The following SIRPB2 variants were observed in gnomAD, a reference collection of about 807,000 sequenced individuals.
The protein encoded by SIRPB2 is signal-regulatory protein beta-2.
Under a neutral mutation model 27.1 loss-of-function variants are expected in SIRPB2, and 18 were observed. That is an observed-to-expected ratio of 0.66 (90% confidence interval 0.46 to 0.98). The LOEUF (loss-of-function observed/expected upper bound fraction) is 0.98, where lower values mean the gene tolerates loss of function less well. SIRPB2 is among the 50% of genes least tolerant of loss of function. SIRPB2 has a pLI of 0.00. For synonymous variants in SIRPB2, 150 were observed against 164.6 expected (o/e 0.91, Z 0.68); for missense variants, 420 against 417.4 (o/e 1.01, Z -0.06).
downstream of SIRPB2, chr20:1,473,656 T>C (rs1033764849): frequency 3.5e-6 from 1 of 285,828 alleles, no homozygotes; most frequent in African/African-American, 2.2e-5. Flanking sequence ...GAGCTTTGTG[T>C]GGTCAAAGTC....
rs1214791142 is a variant in SIRPB2, at chr20:1,479,741, G to A, written c.410C>T (p.Ser137Leu). The A allele has an allele frequency of 6.2e-7, 1 of 1,614,212 alleles. No homozygotes were observed. The highest frequency in any genetic ancestry group is 8.5e-7 in the Non-Finnish European group (1 of 1,180,042). ...CVRFDGLSEHSEMKSDEGTSV... is the reference protein window; with the variant it reads ...CVRFDGLSEHLEMKSDEGTSV... ...GGTGCCTTCATCCGATTTCATTTCT[G>A]AGTGTTCACTCAAACCATCAAACCT... The change falls in exon 2 of 5, where the codon TCA becomes TTA. Residue 137 changes from serine (S) to leucine (L), a missense_variant. Physicochemically the swap from Ser to Leu is moderately radical, Grantham distance 145. Coordinates refer to ENST00000359801, the MANE Select transcript of SIRPB2 (RefSeq NM_001122962.2).
intron 1 of SIRPB2, among the ~76,000 whole-genome samples, chr20:1,490,155 CA>C (rs1288875281): frequency 6.6e-6 from 1 of 152,178 alleles, no homozygotes; most frequent in African/African-American, 2.4e-5. Flanking sequence ...AGCAGACACT[CA>C]AAAGTACCTG....
chr20:1,471,125 G>A (rs756842650), downstream of SIRPB2: 3 of 152,310 alleles, frequency 2.0e-5, no homozygotes, highest in Admixed American at 1.3e-4. Context: ...GAAGATTCCC[G>A]CACTTCCCTG....
In SIRPB2 at chr20:1,475,063, T is replaced by C. The variant is rs1279656298; in HGVS notation, c.*1104A>G. ...TGTCAGGGCTTCTCAGTCCACTAGA[T>C]GGTGGTAGCACCCCCCCAGGTTGTG... On this transcript the variant is annotated 3_prime_UTR_variant, in exon 5 of 5. Coordinates refer to ENST00000359801, the MANE Select transcript of SIRPB2 (RefSeq NM_001122962.2). 3.6e-5 allele frequency: 5 copies of C among 140,068 alleles called. No individual in the cohort carries two copies. Among genetic ancestry groups the C allele is most frequent in the Non-Finnish European group, 7.5e-5 (5 of 66,562 alleles). 8.7% of individuals were successfully genotyped at this position (140,068 alleles called of 1,614,324 possible). A position where few individuals can be genotyped will look rare whatever the true frequency, so the allele number is the denominator to read the frequency against.
chr20:1,473,604 C>A (rs977896453), downstream of SIRPB2, among the ~76,000 whole-genome samples: 5 of 149,884 alleles, frequency 3.3e-5, no homozygotes, highest in Admixed American at 2.0e-4. Context: ...TCCAGAGAGG[C>A]CTTTAAAGGT....
Position 1,475,759 on chromosome 20 carries a change from GGGCACAGA to G in SIRPB2, c.*400_*407del. On this transcript the variant is annotated 3_prime_UTR_variant, in exon 5 of 5. Transcript: ENST00000359801. ...AGTGGGGAGAAAGGTGTAGATGGAG[GGGCACAGA>G]TGGTCTGGCTGGTTGAGTTCAGAGA... The G allele has an allele frequency of 4.3e-5, 7 of 164,506 alleles. No homozygotes were observed. The highest frequency in any genetic ancestry group is 7.8e-5 in the Non-Finnish European group (6 of 76,814). The allele number at this position is 164,506 out of a possible 1,614,324, so 10.2% of individuals were successfully genotyped here. A position where few individuals can be genotyped will look rare whatever the true frequency, so the allele number is the denominator to read the frequency against.
At chr20:1,485,030 TA>T (rs1310073421) in intron 1 of SIRPB2, among the ~76,000 whole-genome samples, 1 of 152,056 alleles carries the variant, frequency 6.6e-6, no homozygotes, top group Non-Finnish European at 1.5e-5. Context: ...ACGTGGAAGC[TA>T]AAAAAATTGA....
chr20:1,484,336 A>C (rs1390619008), intron 1 of SIRPB2, among the ~76,000 whole-genome samples: 1 of 152,234 alleles, frequency 6.6e-6, no homozygotes, highest in Non-Finnish European at 1.5e-5. Flanking sequence ...CTAAGACAAA[A>C]ATAGACAAAT....
chr20:1,482,072 TA>T (rs370836101), intron 1 of SIRPB2, among the ~76,000 whole-genome samples: 9 of 151,240 alleles, frequency 6.0e-5, no homozygotes, highest in Admixed American at 3.9e-4. Context: ...AAACTGATTT[TA>T]AAAAAAAATA....
rs966661992 is a variant in SIRPB2, at chr20:1,475,838, G to GAGGCCAAGAAGGATGTAGC, written c.*310_*328dup. 1 of 239,214 alleles carries GAGGCCAAGAAGGATGTAGC rather than the reference G, an allele frequency of 4.2e-6. No individual in the cohort carries two copies. Among genetic ancestry groups the GAGGCCAAGAAGGATGTAGC allele is most frequent in the African/African-American group, 2.3e-5 (1 of 42,868 alleles). 14.8% of individuals were successfully genotyped at this position (239,214 alleles called of 1,614,324 possible). ...GAAGAAGACTCTGAGTTGGATGTTGGAGGCCAAGAAGGATGTAGCGAGGTG... is the reference window on the plus strand; with the variant it reads ...GAAGAAGACTCTGAGTTGGATGTTGGAGGCCAAGAAGGATGTAGCAGGCCAAGAAGGATGTAGCGAGGTG... On this transcript the variant is annotated 3_prime_UTR_variant, in exon 5 of 5. Coordinates refer to ENST00000359801, the MANE Select transcript of SIRPB2 (RefSeq NM_001122962.2).
At chr20:1,483,590 ATTAT>A (rs2090695066) in intron 1 of SIRPB2, among the ~76,000 whole-genome samples, 1 of 151,816 alleles carries the variant, frequency 6.6e-6, no homozygotes, top group Non-Finnish European at 1.5e-5. Flanking sequence ...TTTTAATTAG[ATTAT>A]TTATTTGTTT....
At chr20:1,470,739 CCT>C (rs991445271), downstream of SIRPB2, 1 of 152,040 alleles carries the variant, frequency 6.6e-6, no homozygotes, top group Non-Finnish European at 1.5e-5. Context: ...AAAACACACC[CCT>C]GAGTGGAGAT....
intron 1 of SIRPB2, among the ~76,000 whole-genome samples, chr20:1,482,420 G>GGT (rs1307809365): frequency 6.6e-6 from 1 of 151,988 alleles, no homozygotes. Flanking sequence ...CTAGTCTTTG[G>GGT]TATCTATCAT....
rs769385544 is a variant in SIRPB2 at position 1,491,323 on chromosome 20, G to A, written c.37C>T (p.His13Tyr). Residue 13 changes from histidine to tyrosine, a missense_variant, in exon 1 of 5, where the codon CAC (histidine) becomes TAC (tyrosine). Coordinates refer to ENST00000359801, the MANE Select transcript of SIRPB2 (RefSeq NM_001122962.2). Reference sequence around the variant, plus strand: ...AGCAGCAGGAAGCAGGGAGGCAAGTGGGCCAGGCAGGTGGGGGCCGACATC... The same window carrying A: ...AGCAGCAGGAAGCAGGGAGGCAAGTAGGCCAGGCAGGTGGGGGCCGACATC... ...STMSAPTCLA[H>Y]LPPCFLLLAL... 5.6e-6 allele frequency: 9 copies of A among 1,611,052 alleles called. No individual in the cohort carries two copies. The highest frequency in any genetic ancestry group is 4.0e-5 in the African/African-American group (3 of 74,712).
chr20:1,482,530 T>TCTTC (rs2123034174), intron 1 of SIRPB2, among the ~76,000 whole-genome samples: 1 of 149,414 alleles, frequency 6.7e-6, no homozygotes, highest in East Asian at 1.9e-4. Context: ...TTCCTTTCTT[T>TCTTC]CTTCCTTTCT....
At chr20:1,476,737 G>T in intron 4 of SIRPB2, 1 of 1,049,388 alleles carries the variant, frequency 9.5e-7, no homozygotes. Flanking sequence ...CCCCATGAAT[G>T]GCAGGAGCAG....
chr20:1,476,522 C>T lies in SIRPB2; in HGVS notation c.860-186G>A, dbSNP rs559738038. ...CTGCCCTGGGCCCAGAGAACGGTTG[C>T]CCAATATTCTGCCTGCATCTGTAAT... On this transcript the variant is annotated intron_variant, in intron 4 of 4. Coordinates refer to ENST00000359801, the MANE Select transcript of SIRPB2 (RefSeq NM_001122962.2). 9 of 379,110 alleles carry T rather than the reference C, an allele frequency of 2.4e-5. No individual in the cohort carries two copies. The South Asian group carries it at 4.3e-4, about 18-fold the overall frequency. 23.5% of individuals were successfully genotyped at this position (379,110 alleles called of 1,614,324 possible). A position where few individuals can be genotyped will look rare whatever the true frequency, so the allele number is the denominator to read the frequency against.
downstream of SIRPB2, chr20:1,473,218 C>T (rs1489387746): frequency 6.6e-6 from 1 of 152,316 alleles, no homozygotes; most frequent in East Asian, 1.9e-4. Flanking sequence ...GGGCCTGGCA[C>T]AGAGTCAGCT....
chr20:1,473,967 C>A, downstream of SIRPB2: 1 of 425,054 alleles, frequency 2.4e-6, no homozygotes, highest in Non-Finnish European at 4.8e-6. Context: ...CCTCCGGAGG[C>A]TCCAGGGGGA....
Sources: gnomAD v4.1 joint callset for allele counts (sites outside exome capture counted in the v4.1 genomes callset) on GRCh38, gnomAD v4.1.1 for gene constraint, MANE v1.5 for transcripts, NCBI Gene and HGNC (gene_info 2026-07-23, HGNC 2026-07-21) for gene names.